Variants in EDIL3 observed in about 807,000 individuals in gnomAD.
The protein encoded by EDIL3 is EGF like and discoidin domains 3.
In EDIL3, 37 loss-of-function variants were observed where a neutral mutation model predicts 67.4. The ratio of observed to expected loss-of-function variants is 0.55; its 90% confidence interval spans 0.42 to 0.72. The LOEUF (loss-of-function observed/expected upper bound fraction) is 0.72, where lower values mean the gene tolerates loss of function less well. Among genes scored for constraint, EDIL3 ranks in the 30% least tolerant of loss-of-function variants. EDIL3 has a pLI of 0.00. For missense variants in EDIL3, 527 were observed against 586.3 expected, an observed-to-expected ratio of 0.90 and a Z score of 1.04; for synonymous variants, 195 against 196.3, an observed-to-expected ratio of 0.99 and a Z score of 0.05.
intron 4 of EDIL3, among the ~76,000 whole-genome samples, chr5:84,165,730 T>A (rs1021135760): frequency 1.3e-5 from 2 of 152,146 alleles, no homozygotes; most frequent in African/African-American, 4.8e-5. Context: ...GGCTCCTTCA[T>A]CTTTTAGACA....
intron 9 of EDIL3, among the ~76,000 whole-genome samples, chr5:84,036,195 G>A (rs1746019493): frequency 1.3e-5 from 2 of 152,144 alleles, no homozygotes; most frequent in Admixed American, 1.3e-4. Flanking sequence ...TCTCTTCTAG[G>A]GATGGCAACA....
chr5:84,271,944 G>A (rs781040068), intron 1 of EDIL3, among the ~76,000 whole-genome samples: 9 of 151,954 alleles, frequency 5.9e-5, no homozygotes, highest in East Asian at 1.9e-4. Context: ...AGATTTTCTC[G>A]GAGCTTTTCT....
intron 9 of EDIL3, among the ~76,000 whole-genome samples, chr5:84,033,353 T>A (rs1191081225): frequency 6.6e-6 from 1 of 152,186 alleles, no homozygotes; most frequent in Admixed American, 6.5e-5. Flanking sequence ...TACTTAAATT[T>A]TTTTTCTAAC....
chr5:84,365,970 G>A (rs1747724916), intron 1 of EDIL3, among the ~76,000 whole-genome samples: 2 of 151,952 alleles, frequency 1.3e-5, no homozygotes, highest in African/African-American at 4.8e-5. Context: ...ACCTCTAAAA[G>A]GTATCAGGGC....
intron 1 of EDIL3, among the ~76,000 whole-genome samples, chr5:84,378,841 A>C (rs544575586): frequency 6.6e-6 from 1 of 152,252 alleles, no homozygotes; most frequent in South Asian, 2.1e-4. Flanking sequence ...TATGTTTTAA[A>C]CTTCAGGTTT....
chr5:83,968,526 A>G (rs886392911), intron 9 of EDIL3, among the ~76,000 whole-genome samples: 3 of 151,990 alleles, frequency 2.0e-5, no homozygotes, highest in African/African-American at 4.8e-5. Context: ...TTTTTTTCAC[A>G]TGTAAAACCA....
chr5:84,064,538 T>C (rs1746599169), intron 8 of EDIL3, among the ~76,000 whole-genome samples, 162 bp downstream of exon 8: 1 of 152,238 alleles, frequency 6.6e-6, no homozygotes, highest in South Asian at 2.1e-4. Context: ...GTTTATTCTA[T>C]ACATAAACAC....
intron 3 of EDIL3, among the ~76,000 whole-genome samples, chr5:84,205,110 C>A (rs1743938412): frequency 6.8e-6 from 1 of 147,526 alleles, no homozygotes; most frequent in African/African-American, 2.5e-5. Flanking sequence ...GAGATAGGGT[C>A]TCACCTTGTT....
intron 9 of EDIL3, among the ~76,000 whole-genome samples, chr5:83,968,959 T>G (rs1293931286): frequency 6.6e-6 from 1 of 151,760 alleles, no homozygotes. Context: ...TAAAAACAAG[T>G]CTGTTACCAT....
At chr5:84,312,873 C>A (rs1403253570) in intron 1 of EDIL3, among the ~76,000 whole-genome samples, 1 of 152,078 alleles carries the variant, frequency 6.6e-6, no homozygotes, top group Non-Finnish European at 1.5e-5. Flanking sequence ...AATATAAACA[C>A]AATTTTAGCA....
At chr5:84,342,591 C>T (rs1747137587) in intron 1 of EDIL3, among the ~76,000 whole-genome samples, 1 of 151,980 alleles carries the variant, frequency 6.6e-6, no homozygotes, top group Non-Finnish European at 1.5e-5. Flanking sequence ...AAACTTAATG[C>T]ATGCTTTTTT....
intron 2 of EDIL3, among the ~76,000 whole-genome samples, chr5:84,243,764 A>G (rs1175369573): frequency 6.6e-6 from 1 of 152,200 alleles, no homozygotes; most frequent in African/African-American, 2.4e-5. Context: ...CCTTGATTAA[A>G]ATAAAAAGAA....
chr5:84,146,728 C>T (rs769609034), intron 4 of EDIL3, among the ~76,000 whole-genome samples: 2 of 152,106 alleles, frequency 1.3e-5, no homozygotes, highest in Non-Finnish European at 2.9e-5. Flanking sequence ...GTCTTTTATA[C>T]ATATCTTTTA....
intron 6 of EDIL3, among the ~76,000 whole-genome samples, chr5:84,080,113 T>TAAAAAA (rs1746934995): frequency 1.6e-4 from 1 of 6,118 alleles, no homozygotes; most frequent in Non-Finnish European, 3.0e-4. Context: ...CTACTAAAAA[T>TAAAAAA]ACAAAAAAAA....
chr5:84,035,522 A>C (rs772914300), intron 9 of EDIL3, among the ~76,000 whole-genome samples: 3 of 152,188 alleles, frequency 2.0e-5, no homozygotes, highest in Non-Finnish European at 4.4e-5. Flanking sequence ...CATTGGTATA[A>C]CTATTGTATT....
intron 1 of EDIL3, among the ~76,000 whole-genome samples, chr5:84,356,917 GTC>G (rs1339220629): frequency 3.2e-3 from 105 of 32,538 alleles, no homozygotes; most frequent in African/African-American, 0.012. Flanking sequence ...TTTTTTTTTG[GTC>G]TCTCTCTCTC....
chr5:84,064,874 T>C, intron 7 of EDIL3, 30 bp from the exon 8 acceptor site: 1 of 1,586,802 alleles, frequency 6.3e-7, no homozygotes, highest in Non-Finnish European at 8.6e-7. Flanking sequence ...AATTATTCAC[T>C]GCAACAGCTT....
chr5:84,262,758 G>A (rs754987979), intron 1 of EDIL3, among the ~76,000 whole-genome samples: 90 of 131,550 alleles, frequency 6.8e-4, no homozygotes, highest in African/African-American at 1.5e-3. Flanking sequence ...TGCAACCTCC[G>A]CCTCCCAGGT....
intron 9 of EDIL3, among the ~76,000 whole-genome samples, chr5:84,034,812 C>G (rs1460377102): frequency 1.3e-5 from 2 of 152,042 alleles, no homozygotes; most frequent in East Asian, 3.9e-4. Context: ...TAATTTGGAT[C>G]TAGTTTGGTA....
Sources: allele counts gnomAD v4.1 joint callset (sites outside exome capture counted in the v4.1 genomes callset), GRCh38; gene constraint gnomAD v4.1.1; transcripts MANE v1.5; gene names NCBI Gene and HGNC (gene_info 2026-07-23, HGNC 2026-07-21).